Variants in LRRC37A2 observed in about 807,000 individuals in gnomAD.
LRRC37A2 encodes leucine-rich repeat-containing protein 37A2.
LRRC37A2 carries 9 observed loss-of-function variants against 68.8 expected under a neutral mutation model. That is an observed-to-expected ratio of 0.13 (90% CI 0.08 to 0.23). The LOEUF (loss-of-function observed/expected upper bound fraction) is 0.23, where lower values mean the gene tolerates loss of function less well. Ranked by LOEUF, LRRC37A2 falls within the 10% of genes least tolerant of loss-of-function variation. LRRC37A2 has a pLI of 1.00. For missense variants in LRRC37A2, 168 were observed against 950.4 expected (o/e 0.18, Z 10.82); for synonymous variants, 63 against 367.6 (o/e 0.17, Z 9.48).
At chr17:46,981,197 G>C in the LRRC37A2 span, among the ~76,000 whole-genome samples, 98 of 152,310 alleles carry the variant, frequency 6.4e-4, no homozygotes, top group African/African-American at 2.2e-3. Flanking sequence ...TGGAGTGAAG[G>C]GATTCGGGAT....
the LRRC37A2 span, among the ~76,000 whole-genome samples, chr17:46,726,358 G>A: frequency 4.0e-4 from 61 of 152,324 alleles, no homozygotes; most frequent in African/African-American, 1.4e-3. Context: ...ACAGCTGTTA[G>A]TGCTGAAAAC....
the LRRC37A2 span, among the ~76,000 whole-genome samples, chr17:46,495,992 GA>G: frequency 1.1e-5 from 1 of 91,942 alleles, no homozygotes; most frequent in East Asian, 2.4e-4. Context: ...TAATAGGAAA[GA>G]TGTGTTCTGC....
chr17:46,889,116 A>C, the LRRC37A2 span, among the ~76,000 whole-genome samples: 8 of 152,136 alleles, frequency 5.3e-5, no homozygotes, highest in Non-Finnish European at 8.8e-5. Context: ...TACTAAGTGC[A>C]ACTCAACCTT....
At chr17:46,976,019 C>T in the LRRC37A2 span, among the ~76,000 whole-genome samples, 5 of 151,944 alleles carry the variant, frequency 3.3e-5, no homozygotes, top group African/African-American at 4.8e-5. Context: ...CTCCGCCTCC[C>T]GGGTTCACGC....
chr17:46,823,093 A>AT, the LRRC37A2 span, among the ~76,000 whole-genome samples: 1 of 131,650 alleles, frequency 7.6e-6, no homozygotes, highest in Non-Finnish European at 1.6e-5. Context: ...ATAAATATGT[A>AT]TTATATAATA....
chr17:46,679,863 A>G, the LRRC37A2 span, among the ~76,000 whole-genome samples: 6 of 151,426 alleles, frequency 4.0e-5, no homozygotes, highest in South Asian at 6.3e-4. Flanking sequence ...CTCAAAGACA[A>G]TGTGATGATA....
chr17:46,772,560 A>G, the LRRC37A2 span, among the ~76,000 whole-genome samples: 4,784 of 152,362 alleles, frequency 0.031, 81 homozygotes, highest in Middle Eastern at 0.075. Context: ...CTTGGCCCCA[A>G]TTAAGAGGCC....
At chr17:46,938,625 T>TGCCAACA in the LRRC37A2 span, 2 of 1,614,150 alleles carry the variant, frequency 1.2e-6, no homozygotes, top group Non-Finnish European at 1.7e-6. Context: ...TCCTTGACAT[T>TGCCAACA]GCCAACATGC....
At chr17:46,779,761 T>A in the LRRC37A2 span, among the ~76,000 whole-genome samples, 19 of 4,500 alleles carry the variant, frequency 4.2e-3, 1 homozygote, top group Admixed American at 0.035. Flanking sequence ...AGAGAGGACC[T>A]TTTTTTTTCT....
the LRRC37A2 span, among the ~76,000 whole-genome samples, chr17:46,944,224 G>T: frequency 4.4e-4 from 67 of 152,376 alleles, no homozygotes; most frequent in Admixed American, 4.1e-3. Context: ...TCAGGGCAGA[G>T]GGAAGGAGTT....
At chr17:46,548,724 A>T in exon 10 of LRRC37A2, 1 of 1,610,022 alleles carries the variant, frequency 6.2e-7, no homozygotes, top group African/African-American at 1.4e-5. Context: ...GTGCCCAGGC[A>T]TCTGTGGAGA....
the LRRC37A2 span, among the ~76,000 whole-genome samples, chr17:46,392,437 CTTTCTT>C: frequency 3.0e-5 from 1 of 33,170 alleles, no homozygotes; most frequent in Admixed American, 2.4e-4. Context: ...TTCTCTCTTT[CTTTCTT>C]TCTTTCTTTC....
chr17:46,430,653 AT>A, the LRRC37A2 span, among the ~76,000 whole-genome samples: 2 of 32,588 alleles, frequency 6.1e-5, no homozygotes, highest in South Asian at 1.5e-3. Context: ...ATTTATAAAG[AT>A]TTTTTTTTAA....
the LRRC37A2 span, among the ~76,000 whole-genome samples, chr17:46,957,147 A>G: frequency 2.0e-5 from 3 of 152,120 alleles, no homozygotes; most frequent in Non-Finnish European, 4.4e-5. Context: ...CGTCTCTACA[A>G]AAAATACAAA....
At chr17:46,863,163 C>A in the LRRC37A2 span, among the ~76,000 whole-genome samples, 4 of 152,206 alleles carry the variant, frequency 2.6e-5, no homozygotes, top group East Asian at 5.8e-4. Flanking sequence ...TCCCAAAGCC[C>A]GCCCAGCCCC....
At chr17:46,768,816 G>A in the LRRC37A2 span, 1 of 1,610,860 alleles carries the variant, frequency 6.2e-7, no homozygotes, top group Non-Finnish European at 8.5e-7. The surrounding 1 kb of genome is among the most constrained non-coding windows in gnomAD (Gnocchi z 5.0). Flanking sequence ...GAGAGAAGTG[G>A]CAGCTGGCCA....
At chr17:46,956,224 C>T in the LRRC37A2 span, among the ~76,000 whole-genome samples, 1 of 151,614 alleles carries the variant, frequency 6.6e-6, no homozygotes, top group Non-Finnish European at 1.5e-5. Flanking sequence ...ATCCTGTCCC[C>T]TCTGGGGTAG....
chr17:46,388,966 C>T, the LRRC37A2 span, among the ~76,000 whole-genome samples: 6 of 78,720 alleles, frequency 7.6e-5, no homozygotes, highest in Non-Finnish European at 1.1e-4. Flanking sequence ...GAGGCTGAGA[C>T]GGGTGGATCA....
the LRRC37A2 span, chr17:46,818,493 C>T: frequency 3.1e-6 from 5 of 1,589,412 alleles, no homozygotes; most frequent in Non-Finnish European, 4.3e-6. Flanking sequence ...AACCGGGCCG[C>T]GGGCAGACAA....
Sources: allele counts gnomAD v4.1 joint callset (sites outside exome capture counted in the v4.1 genomes callset), GRCh38; gene constraint gnomAD v4.1.1; non-coding constraint Gnocchi (gnomAD v3.1); transcripts MANE v1.5; gene names NCBI Gene and HGNC (gene_info 2026-07-23, HGNC 2026-07-21).